Variants in FOCAD observed in about 807,000 individuals in gnomAD.
FOCAD encodes the protein focadhesin.
A neutral mutation model predicts 225.6 loss-of-function variants in FOCAD; 198 were observed. The ratio of observed to expected loss-of-function variants is 0.88; its 90% CI spans 0.78 to 0.99. The LOEUF is 0.99. Ranked by LOEUF, FOCAD falls within the 50% of genes least tolerant of loss-of-function variation. The pLI, the probability that FOCAD is intolerant of heterozygous loss-of-function variation, is 0.00. For synonymous variants in FOCAD, 897 were observed against 755.0 expected, an observed-to-expected ratio of 1.19 and a Z score of -3.08; for missense variants, 2,713 against 2,123.6, an observed-to-expected ratio of 1.28 and a Z score of -5.46.
chr9:20,791,978 C>A (rs1013464328), intron 11 of FOCAD, among the ~76,000 whole-genome samples: 7 of 152,214 alleles, frequency 4.6e-5, no homozygotes, highest in Admixed American at 3.9e-4. Context: ...CCTGTCTCAG[C>A]ATTCTGGCAG....
intron 10 of FOCAD, chr9:20,787,205 C>A (rs1240871161): frequency 1.2e-5 from 2 of 166,312 alleles, no homozygotes; most frequent in African/African-American, 4.8e-5. Context: ...TATGTTGTTG[C>A]TTTTACTCAA....
chr9:20,947,718 C>T (rs537011786), intron 30 of FOCAD, among the ~76,000 whole-genome samples: 60 of 152,142 alleles, frequency 3.9e-4, no homozygotes, highest in African/African-American at 1.4e-3. Context: ...TATAGAATTT[C>T]CCCATGTGGA....
chr9:20,946,385 G>C (rs1187876187), intron 29 of FOCAD, among the ~76,000 whole-genome samples: 1 of 152,146 alleles, frequency 6.6e-6, no homozygotes, highest in Non-Finnish European at 1.5e-5. Flanking sequence ...CTGTGCTCTG[G>C]CATAATGTGG....
intron 16 of FOCAD, among the ~76,000 whole-genome samples, chr9:20,864,882 G>A (rs1829091422): frequency 6.6e-6 from 1 of 152,016 alleles, no homozygotes; most frequent in African/African-American, 2.4e-5. Context: ...TCTCTGATAG[G>A]AAGGTATCAT....
intron 11 of FOCAD, among the ~76,000 whole-genome samples, chr9:20,811,572 T>G (rs1189156791): frequency 6.6e-6 from 1 of 152,110 alleles, no homozygotes; most frequent in Non-Finnish European, 1.5e-5. Context: ...AATACTTCTT[T>G]AATTATAATG....
At chr9:20,681,325 G>A (rs1822391986), upstream of FOCAD, among the ~76,000 whole-genome samples, 2 of 152,056 alleles carry the variant, frequency 1.3e-5, no homozygotes, top group African/African-American at 2.4e-5. Context: ...TTGAACTCCT[G>A]GCCTCAAGTT....
In FOCAD at chr9:20,778,663, C is replaced by G. The variant is rs768044080; in HGVS notation, c.907-18C>G. 1 of 1,444,688 alleles carries G rather than the reference C, an allele frequency of 6.9e-7. No homozygotes were observed. Among genetic ancestry groups the G allele is most frequent in the Non-Finnish European group, 9.7e-7 (1 of 1,028,974 alleles). The allele number at this position is 1,444,688 out of a possible 1,614,324, so 89.5% of individuals were successfully genotyped here. ...GGAACTTCTTTAACAACTCCTTTTT[C>G]CCCCTCTATTCTTTTAGGATTTTCC... On this transcript the variant is annotated intron_variant, in intron 8 of 43. Transcript: ENST00000338382.
At chr9:20,917,382 G>T (rs1241022969) in intron 24 of FOCAD, among the ~76,000 whole-genome samples, 2 of 152,036 alleles carry the variant, frequency 1.3e-5, no homozygotes, top group Non-Finnish European at 2.9e-5. Flanking sequence ...AAAAACTAAT[G>T]CCAAGGCCCA....
chr9:20,692,932 A>AT (rs949283344), intron 1 of FOCAD, among the ~76,000 whole-genome samples: 15 of 152,164 alleles, frequency 9.9e-5, no homozygotes, highest in African/African-American at 3.6e-4. Context: ...ATTGGAGGCC[A>AT]TTTTTTGCAA....
At chr9:20,951,357 G>T (rs1469562540) in intron 34 of FOCAD, among the ~76,000 whole-genome samples, 1 of 152,020 alleles carries the variant, frequency 6.6e-6, no homozygotes, top group East Asian at 1.9e-4. Flanking sequence ...CCTTCTCTCT[G>T]CCTCCCTTAG....
At chr9:20,821,183 A>T (rs1683904475) in intron 14 of FOCAD, 112 bp downstream of exon 14, 2 of 949,096 alleles carry the variant, frequency 2.1e-6, no homozygotes, top group Non-Finnish European at 2.9e-6. Context: ...TATAAGTACT[A>T]ATAATTTTTT....
intron 22 of FOCAD, 37 bp from the exon 23 acceptor site, chr9:20,912,829 C>A (rs184340713): frequency 2.0e-6 from 3 of 1,529,378 alleles, no homozygotes; most frequent in Admixed American, 3.4e-5. Context: ...CTTCAGCCAT[C>A]GAGTTCACAT....
intron 15 of FOCAD, among the ~76,000 whole-genome samples, chr9:20,857,738 A>G (rs1222099960): frequency 8.1e-6 from 1 of 123,140 alleles, no homozygotes; most frequent in Admixed American, 7.7e-5. Context: ...TATGGCTTTT[A>G]TTGTGTTAAG....
intron 4 of FOCAD, among the ~76,000 whole-genome samples, chr9:20,728,832 T>C (rs546341382): frequency 6.6e-6 from 1 of 152,314 alleles, no homozygotes; most frequent in Admixed American, 6.5e-5. Context: ...AAAAATGGAT[T>C]AATTTTTTTG....
In FOCAD at chr9:20,926,426, A is replaced by G. The variant is rs371006298; in HGVS notation, c.3078+9A>G. On this transcript the variant is annotated intron_variant, in intron 26 of 43. Coordinates refer to ENST00000338382, the MANE Select transcript of FOCAD (RefSeq NM_001375567.1). Reference sequence around the variant, plus strand: ...TCTCCTGGTTTTATTATGTAAGTGCAAAAAATAAAAAATGATCAGAAAACT... The same window carrying G: ...TCTCCTGGTTTTATTATGTAAGTGCGAAAAATAAAAAATGATCAGAAAACT... The G allele has an allele frequency of 1.1e-4, 168 of 1,474,642 alleles. No individual in the cohort carries two copies. The African/African-American group carries it at 2.0e-3, about 17-fold the overall frequency. The allele number at this position is 1,474,642 out of a possible 1,614,324, so 91.3% of individuals were successfully genotyped here. A position where few individuals can be genotyped will look rare whatever the true frequency, so the allele number is the denominator to read the frequency against.
At chr9:20,757,662 T>G (rs11789291) in intron 5 of FOCAD, among the ~76,000 whole-genome samples, 40,788 of 152,062 alleles carry the variant, frequency 0.27, 6,422 homozygotes, top group South Asian at 0.36. Context: ...GCTTATGGGT[T>G]CGGGTAAGGT....
intron 15 of FOCAD, among the ~76,000 whole-genome samples, chr9:20,846,894 C>G (rs1026001228): frequency 4.6e-5 from 7 of 152,090 alleles, no homozygotes; most frequent in Non-Finnish European, 1.0e-4. Context: ...AACATCTTCA[C>G]AGTAACTTTG....
intron 21 of FOCAD, among the ~76,000 whole-genome samples, chr9:20,898,698 A>G (rs1832311111): frequency 6.6e-6 from 1 of 151,922 alleles, no homozygotes; most frequent in South Asian, 2.1e-4. Context: ...TGTTAATTCC[A>G]GCATCCCTGC....
intron 37 of FOCAD, 58 bp from the exon 38 acceptor site, chr9:20,981,368 G>T: frequency 6.3e-7 from 1 of 1,578,620 alleles, no homozygotes; most frequent in South Asian, 1.2e-5. Context: ...TACAGGTTTT[G>T]AACATTGCAA....
Sources: allele counts gnomAD v4.1 joint callset (sites outside exome capture counted in the v4.1 genomes callset), GRCh38; gene constraint gnomAD v4.1.1; transcripts MANE v1.5; gene names NCBI Gene and HGNC (gene_info 2026-07-23, HGNC 2026-07-21).